Variants in CLVS1 observed in about 807,000 individuals in gnomAD.
The protein encoded by CLVS1 is clavesin-1.
A neutral mutation model predicts 33.1 loss-of-function variants in CLVS1; 10 were observed. The observed-to-expected ratio is 0.30, with a 90% CI of 0.19 to 0.51. The LOEUF (loss-of-function observed/expected upper bound fraction) is 0.51. Ranked by LOEUF, CLVS1 falls within the 20% of genes least tolerant of loss-of-function variation. The pLI, the probability that CLVS1 is intolerant of heterozygous loss-of-function variation, is 0.97. For missense variants in CLVS1, 343 were observed against 433.4 expected (o/e 0.79, Z 1.85); for synonymous variants, 163 against 166.1 (o/e 0.98, Z 0.14).
At chr8:61,157,428 G>A (rs564368416) in intron 2 of CLVS1, among the ~76,000 whole-genome samples, 45 of 152,142 alleles carry the variant, frequency 3.0e-4, no homozygotes, top group African/African-American at 7.5e-4. Context: ...AAGCTAAAAC[G>A]ATAAAGCTAC....
chr8:61,093,254 T>A (rs1805285349), intron 1 of CLVS1, among the ~76,000 whole-genome samples: 1 of 152,154 alleles, frequency 6.6e-6, no homozygotes, highest in Non-Finnish European at 1.5e-5. Flanking sequence ...CAAAACTGTG[T>A]CCCCTATATA....
intron 3 of CLVS1, among the ~76,000 whole-genome samples, chr8:61,447,798 A>G (rs1261131800): frequency 6.6e-6 from 1 of 152,154 alleles, no homozygotes; most frequent in African/African-American, 2.4e-5. Flanking sequence ...AAAAACCCAT[A>G]GTACTTACCT....
chr8:61,153,181 C>T (rs1806576442), intron 2 of CLVS1, among the ~76,000 whole-genome samples: 1 of 152,154 alleles, frequency 6.6e-6, no homozygotes, highest in African/African-American at 2.4e-5. Context: ...AAATTATTTT[C>T]TCTATGCAGA....
intron 1 of CLVS1, among the ~76,000 whole-genome samples, chr8:61,095,657 C>G (rs905935780): frequency 6.6e-6 from 1 of 152,178 alleles, no homozygotes; most frequent in African/African-American, 2.4e-5. Flanking sequence ...AGAAGACTTG[C>G]TCTCACTCTG....
chr8:61,174,480 A>G (rs1807074584), intron 2 of CLVS1, among the ~76,000 whole-genome samples: 1 of 151,976 alleles, frequency 6.6e-6, no homozygotes, highest in African/African-American at 2.4e-5. Context: ...AAAACCATAT[A>G]TTTTAAAGAC....
At chr8:61,445,276 GT>G (rs1405837183) in intron 3 of CLVS1, among the ~76,000 whole-genome samples, 1 of 151,964 alleles carries the variant, frequency 6.6e-6, no homozygotes, top group Non-Finnish European at 1.5e-5. Flanking sequence ...TTTTTATCTT[GT>G]TTGGGTACAT....
chr8:61,350,519 C>T (rs1812410845), intron 2 of CLVS1, among the ~76,000 whole-genome samples: 1 of 152,192 alleles, frequency 6.6e-6, no homozygotes, highest in South Asian at 2.1e-4. Flanking sequence ...ATTTTTGGAT[C>T]CTGAATGGCA....
chr8:61,286,523 C>T (rs1205757191), upstream of CLVS1, among the ~76,000 whole-genome samples: 7 of 152,192 alleles, frequency 4.6e-5, no homozygotes, highest in South Asian at 2.1e-4. Flanking sequence ...TGGATTCTCT[C>T]GTTCTGGGAA....
intron 2 of CLVS1, among the ~76,000 whole-genome samples, chr8:61,171,396 A>G (rs560438289): frequency 1.3e-5 from 2 of 152,282 alleles, no homozygotes; most frequent in Non-Finnish European, 2.9e-5. Flanking sequence ...GGGGTTATTC[A>G]TATCTTTGGA....
intron 3 of CLVS1, among the ~76,000 whole-genome samples, chr8:61,421,352 A>C (rs1476077435): frequency 6.6e-6 from 1 of 152,212 alleles, no homozygotes. Context: ...CAGAATAAAG[A>C]CAAAAATAAA....
At chr8:61,495,292 T>C (rs1804231000) in intron 5 of CLVS1, among the ~76,000 whole-genome samples, 1 of 152,214 alleles carries the variant, frequency 6.6e-6, no homozygotes. Context: ...TAAGTCTGTT[T>C]GTGGGTCTAT....
chr8:61,001,600 C>A, the CLVS1 span, among the ~76,000 whole-genome samples: 2 of 152,226 alleles, frequency 1.3e-5, no homozygotes, highest in East Asian at 1.9e-4. Context: ...AATGACAAAT[C>A]CTTGTCTTAC....
chr8:61,162,804 C>G (rs1563426634), intron 2 of CLVS1, among the ~76,000 whole-genome samples: 1 of 152,116 alleles, frequency 6.6e-6, no homozygotes, highest in Non-Finnish European at 1.5e-5. Flanking sequence ...TTTGAGCTAG[C>G]CTTTTGTCTT....
At chr8:61,184,772 A>G (rs1288889805) in intron 2 of CLVS1, among the ~76,000 whole-genome samples, 1 of 152,234 alleles carries the variant, frequency 6.6e-6, no homozygotes, top group African/African-American at 2.4e-5. Context: ...AATATCCACA[A>G]ATGCAAGTGA....
At chr8:61,185,915 G>T (rs2129301624) in intron 2 of CLVS1, among the ~76,000 whole-genome samples, 1 of 152,298 alleles carries the variant, frequency 6.6e-6, no homozygotes, top group East Asian at 1.9e-4. Context: ...GTTAGCCGTT[G>T]GTATTACTGC....
chr8:61,225,597 C>T (rs537771659), intron 2 of CLVS1, among the ~76,000 whole-genome samples: 105 of 152,238 alleles, frequency 6.9e-4, no homozygotes, highest in Non-Finnish European at 9.1e-4. Flanking sequence ...ATCATAGTTA[C>T]CTTTACTGGT....
At chr8:61,117,855 T>C (rs1197251514) in intron 1 of CLVS1, among the ~76,000 whole-genome samples, 1 of 147,132 alleles carries the variant, frequency 6.8e-6, no homozygotes, top group Non-Finnish European at 1.5e-5. Context: ...TGTCTCTGCC[T>C]GGCTTTGGTA....
the CLVS1 span, among the ~76,000 whole-genome samples, chr8:61,031,844 T>C: frequency 1.3e-5 from 2 of 152,198 alleles, no homozygotes; most frequent in South Asian, 2.1e-4. Flanking sequence ...AATTGGCATA[T>C]GTTTTAAATA....
At chr8:61,098,239 G>A (rs1235431583) in intron 1 of CLVS1, among the ~76,000 whole-genome samples, 3 of 151,964 alleles carry the variant, frequency 2.0e-5, no homozygotes, top group East Asian at 1.9e-4. Context: ...GGTGAGGATC[G>A]CCCTCATGGT....
Sources: gnomAD v4.1 joint callset for allele counts (sites outside exome capture counted in the v4.1 genomes callset) on GRCh38, gnomAD v4.1.1 for gene constraint, MANE v1.5 for transcripts, NCBI Gene and HGNC (gene_info 2026-07-23, HGNC 2026-07-21) for gene names.